Variants in IGSF21 observed in about 807,000 individuals in gnomAD.
IGSF21 encodes the protein immunoglobin superfamily member 21.
IGSF21 carries 28 observed loss-of-function variants against 46.8 expected under a neutral mutation model. The ratio of observed to expected loss-of-function variants is 0.60; its 90% CI spans 0.44 to 0.82. The LOEUF is 0.82. IGSF21 is among the 40% of genes least tolerant of loss of function. The pLI, the probability that IGSF21 is intolerant of heterozygous loss-of-function variation, is 0.00. For missense variants in IGSF21, 624 were observed against 665.5 expected, an observed-to-expected ratio of 0.94 and a Z score of 0.69; for synonymous variants, 284 against 273.6, an observed-to-expected ratio of 1.04 and a Z score of -0.38.
intron 1 of IGSF21, among the ~76,000 whole-genome samples, chr1:18,194,500 C>A (rs2086988817): frequency 6.6e-6 from 1 of 152,174 alleles, no homozygotes; most frequent in Non-Finnish European, 1.5e-5. Context: ...CTTCCAGCTT[C>A]TGGTGGTTGC....
chr1:18,248,903 C>T (rs1278454175), intron 2 of IGSF21, among the ~76,000 whole-genome samples: 1 of 151,886 alleles, frequency 6.6e-6, no homozygotes, highest in Non-Finnish European at 1.5e-5. Context: ...TAGCATGGAC[C>T]CCCCCAAGCC....
At chr1:18,347,545 C>T (rs1362516774) in intron 4 of IGSF21, among the ~76,000 whole-genome samples, 1 of 152,172 alleles carries the variant, frequency 6.6e-6, no homozygotes. Flanking sequence ...GATCTGTATC[C>T]CCATTTTACA....
At chr1:18,351,488 G>A (rs1490818137) in intron 4 of IGSF21, among the ~76,000 whole-genome samples, 2 of 152,186 alleles carry the variant, frequency 1.3e-5, no homozygotes, top group Non-Finnish European at 2.9e-5. Context: ...AGGGACAGAG[G>A]TTTTGCACGC....
At chr1:18,303,166 G>C (rs2085378132) in intron 3 of IGSF21, among the ~76,000 whole-genome samples, 1 of 152,154 alleles carries the variant, frequency 6.6e-6, no homozygotes, top group South Asian at 2.1e-4. Flanking sequence ...CCAGCAACGG[G>C]TCTCAGGAAA....
At chr1:18,332,616 AGAGG>A (rs2085725282) in intron 3 of IGSF21, among the ~76,000 whole-genome samples, 1 of 152,050 alleles carries the variant, frequency 6.6e-6, no homozygotes, top group Admixed American at 6.6e-5. Context: ...AATCATTCCC[AGAGG>A]GGAGACTGGT....
intron 2 of IGSF21, among the ~76,000 whole-genome samples, chr1:18,268,518 G>A (rs1009792780): frequency 1.3e-5 from 2 of 152,172 alleles, no homozygotes; most frequent in African/African-American, 2.4e-5. Flanking sequence ...GGGTCCCAAA[G>A]ACAGGTCACC....
chr1:18,343,203 CT>C (rs1049429352), intron 4 of IGSF21, among the ~76,000 whole-genome samples: 5 of 152,228 alleles, frequency 3.3e-5, no homozygotes, highest in African/African-American at 1.2e-4. Flanking sequence ...GCCAATGACA[CT>C]GTACGTCCTT....
intron 1 of IGSF21, among the ~76,000 whole-genome samples, chr1:18,151,742 G>A (rs1457809222): frequency 2.0e-5 from 3 of 152,058 alleles, no homozygotes; most frequent in East Asian, 3.8e-4. Flanking sequence ...TGTGGGGGGC[G>A]GGTCTTGGAA....
chr1:18,204,658 T>C (rs1404415210), intron 1 of IGSF21, among the ~76,000 whole-genome samples: 1 of 152,048 alleles, frequency 6.6e-6, no homozygotes, highest in African/African-American at 2.4e-5. Context: ...CACAAGGCAG[T>C]GTGTGTCTGA....
chr1:18,358,048 T>A (rs1041740473), intron 4 of IGSF21, among the ~76,000 whole-genome samples: 5 of 148,738 alleles, frequency 3.4e-5, no homozygotes, highest in East Asian at 2.0e-4. Flanking sequence ...AGAGAGAGAG[T>A]GTGTGTGTGT....
chr1:18,138,867 C>T (rs866823532), intron 1 of IGSF21, among the ~76,000 whole-genome samples: 15 of 152,228 alleles, frequency 9.9e-5, no homozygotes, highest in African/African-American at 3.1e-4. Context: ...CATTATTGTC[C>T]TCTTTTTACA....
chr1:18,210,566 A>G (rs2084381119), intron 1 of IGSF21, among the ~76,000 whole-genome samples: 1 of 152,128 alleles, frequency 6.6e-6, no homozygotes, highest in African/African-American at 2.4e-5. Context: ...CTGCTGTGCT[A>G]GGGAACTCCT....
chr1:18,184,436 G>A (rs1255600702), intron 1 of IGSF21, among the ~76,000 whole-genome samples: 6 of 152,090 alleles, frequency 3.9e-5, no homozygotes, highest in African/African-American at 9.7e-5. Flanking sequence ...CACAGATTTC[G>A]TTCCTTTAAT....
chr1:18,268,236 G>A (rs2085008686), intron 2 of IGSF21, among the ~76,000 whole-genome samples: 1 of 152,234 alleles, frequency 6.6e-6, no homozygotes, highest in South Asian at 2.1e-4. Flanking sequence ...ACTTTGGGAA[G>A]TCCAAGTGAG....
intron 1 of IGSF21, among the ~76,000 whole-genome samples, chr1:18,121,185 G>C (rs144279812): frequency 6.6e-6 from 1 of 152,288 alleles, no homozygotes; most frequent in Non-Finnish European, 1.5e-5. Flanking sequence ...GCAGATGGGG[G>C]AAGGGAAGAT....
chr1:18,149,548 C>A (rs973433521), intron 1 of IGSF21, among the ~76,000 whole-genome samples: 4 of 151,932 alleles, frequency 2.6e-5, no homozygotes, highest in African/African-American at 9.7e-5. Flanking sequence ...GCCAGCAAGA[C>A]CTGCCTCCCC....
intron 3 of IGSF21, among the ~76,000 whole-genome samples, chr1:18,329,990 C>A (rs147063738): frequency 1.3e-5 from 2 of 152,300 alleles, no homozygotes; most frequent in East Asian, 3.9e-4. Context: ...AAACTCCAGC[C>A]GCTAAACTGC....
chr1:18,154,938 A>T (rs1286408584), intron 1 of IGSF21, among the ~76,000 whole-genome samples: 2 of 151,748 alleles, frequency 1.3e-5, no homozygotes, highest in African/African-American at 4.8e-5. Context: ...GAATCCAGGG[A>T]GGGCAGACTG....
At chr1:18,180,127 A>G (rs1476959053) in intron 1 of IGSF21, among the ~76,000 whole-genome samples, 1 of 152,142 alleles carries the variant, frequency 6.6e-6, no homozygotes, top group East Asian at 1.9e-4. Flanking sequence ...AATTTTCTCC[A>G]TAGCACTTCC....
Sources: allele counts gnomAD v4.1 joint callset (sites outside exome capture counted in the v4.1 genomes callset), GRCh38; gene constraint gnomAD v4.1.1; transcripts MANE v1.5; gene names NCBI Gene and HGNC (gene_info 2026-07-23, HGNC 2026-07-21).